The following RNGTT variants were observed in gnomAD, a reference collection of about 807,000 sequenced individuals.
RNGTT encodes mRNA-capping enzyme.
A neutral mutation model predicts 79.3 loss-of-function variants in RNGTT; 33 were observed. The observed-to-expected ratio is 0.42, with a 90% confidence interval of 0.32 to 0.56. The LOEUF (loss-of-function observed/expected upper bound fraction) is 0.56, where lower values mean the gene tolerates loss of function less well. RNGTT is among the 20% of genes least tolerant of loss of function. The probability of loss-of-function intolerance (pLI) is 0.17; values close to 1 mark genes in which losing one functional copy is unlikely to be tolerated. For missense variants in RNGTT, 497 were observed against 739.1 expected, an observed-to-expected ratio of 0.67 and a Z score of 3.80; for synonymous variants, 222 against 235.9, an observed-to-expected ratio of 0.94 and a Z score of 0.54.
At chr6:88,888,820 G>C (rs1782950885) in intron 8 of RNGTT, among the ~76,000 whole-genome samples, 1 of 152,130 alleles carries the variant, frequency 6.6e-6, no homozygotes, top group African/African-American at 2.4e-5. Flanking sequence ...ACCTGAGATA[G>C]GGAGTTCGAG....
intron 13 of RNGTT, among the ~76,000 whole-genome samples, chr6:88,748,186 T>C (rs1373939947): frequency 6.6e-6 from 1 of 151,840 alleles, no homozygotes; most frequent in Non-Finnish European, 1.5e-5. Context: ...AAAAAAAAAG[T>C]CAAATCGAAT....
chr6:88,765,355 A>C (rs1582433448), intron 13 of RNGTT, among the ~76,000 whole-genome samples: 1 of 152,128 alleles, frequency 6.6e-6, no homozygotes, highest in East Asian at 1.9e-4. Flanking sequence ...CCATGACTTA[A>C]CCATACATTC....
intron 12 of RNGTT, among the ~76,000 whole-genome samples, chr6:88,773,377 G>A (rs1778762001): frequency 6.8e-6 from 1 of 147,992 alleles, no homozygotes; most frequent in East Asian, 2.0e-4. Flanking sequence ...GCTAGATGAC[G>A]AGTTAGTGGG....
intron 13 of RNGTT, among the ~76,000 whole-genome samples, chr6:88,745,485 T>C (rs1046387240): frequency 2.0e-5 from 3 of 152,204 alleles, no homozygotes; most frequent in African/African-American, 7.2e-5. Context: ...CATGGGGTGA[T>C]ACATATTACA....
At chr6:88,906,591 G>GA (rs1456920464) in intron 4 of RNGTT, 151 bp from the exon 5 acceptor site, 1 of 551,326 alleles carries the variant, frequency 1.8e-6, no homozygotes, top group African/African-American at 1.9e-5. Flanking sequence ...CTTATAACTT[G>GA]AAAACTTGTC....
chr6:88,772,694 A>C (rs1303820399), intron 12 of RNGTT, among the ~76,000 whole-genome samples: 1 of 152,224 alleles, frequency 6.6e-6, no homozygotes, highest in Non-Finnish European at 1.5e-5. Context: ...GAAGATATTT[A>C]TGCAGCCAAA....
At chr6:88,710,422 G>A (rs1776279034) in intron 13 of RNGTT, among the ~76,000 whole-genome samples, 1 of 152,104 alleles carries the variant, frequency 6.6e-6, no homozygotes, top group Non-Finnish European at 1.5e-5. Context: ...TTATACTAAA[G>A]AAAGGGAACG....
chr6:88,655,039 T>C (rs759655672), intron 14 of RNGTT, among the ~76,000 whole-genome samples: 1 of 152,202 alleles, frequency 6.6e-6, no homozygotes, highest in Non-Finnish European at 1.5e-5. Flanking sequence ...CTTCAGATAT[T>C]TTAGAGGTTT....
intron 15 of RNGTT, among the ~76,000 whole-genome samples, chr6:88,613,663 T>C (rs1215419657): frequency 6.6e-6 from 1 of 152,168 alleles, no homozygotes; most frequent in African/African-American, 2.4e-5. Context: ...TTTTTTCAAC[T>C]CCACTAAAAA....
At chr6:88,750,522 T>G (rs1412526107) in intron 13 of RNGTT, among the ~76,000 whole-genome samples, 9 of 152,140 alleles carry the variant, frequency 5.9e-5, no homozygotes, top group African/African-American at 2.2e-4. Context: ...ATGTTGACAG[T>G]CTCTATCTCC....
At chr6:88,924,235 T>A (rs1784250807) in intron 4 of RNGTT, among the ~76,000 whole-genome samples, 1 of 152,198 alleles carries the variant, frequency 6.6e-6, no homozygotes, top group South Asian at 2.1e-4. Context: ...AGAAATATAA[T>A]TTTTTTAATC....
chr6:88,907,677 T>C (rs2127944030), intron 4 of RNGTT, among the ~76,000 whole-genome samples: 1 of 152,002 alleles, frequency 6.6e-6, no homozygotes, highest in Admixed American at 6.6e-5. Context: ...GTCTTCAAAA[T>C]GAAGCTTTTC....
At chr6:88,773,953 T>C (rs1004993626) in intron 12 of RNGTT, among the ~76,000 whole-genome samples, 1 of 152,158 alleles carries the variant, frequency 6.6e-6, no homozygotes, top group Non-Finnish European at 1.5e-5. Flanking sequence ...AAAAACTACA[T>C]AGTTTGGGCT....
intron 13 of RNGTT, among the ~76,000 whole-genome samples, chr6:88,744,671 T>C (rs1427954297): frequency 1.3e-5 from 2 of 148,448 alleles, no homozygotes; most frequent in Non-Finnish European, 3.0e-5. Flanking sequence ...ATATGAATAG[T>C]TTTTTATGCT....
chr6:88,665,719 TC>T (rs1372167913), intron 14 of RNGTT, among the ~76,000 whole-genome samples: 1 of 152,074 alleles, frequency 6.6e-6, no homozygotes, highest in Admixed American at 6.6e-5. Flanking sequence ...TTCAAGAACT[TC>T]CCCCACCATC....
At position 88,851,835 on chromosome 6, in the gene RNGTT, T is replaced by C. The variant is rs957525663; in HGVS notation, c.1032+1794A>G. Among the ~76,000 whole-genome samples the C allele has an allele frequency of 1.5e-4, 23 of 151,828 alleles. 1 individual carries two copies. Among genetic ancestry groups the C allele is most frequent in the African/African-American group, 4.8e-4 (20 of 41,364 alleles). On this transcript the variant is annotated intron_variant, in intron 9 of 15. Coordinates refer to ENST00000369485, the MANE Select transcript of RNGTT (RefSeq NM_003800.5). ...CAACTATAATTCTAGCCCAAGTAAATTGACATCATGAATCATACTGCTATT... is the reference window on the plus strand; with the variant it reads ...CAACTATAATTCTAGCCCAAGTAAACTGACATCATGAATCATACTGCTATT...
intron 8 of RNGTT, among the ~76,000 whole-genome samples, chr6:88,861,873 C>T (rs1020138734): frequency 6.6e-6 from 1 of 151,970 alleles, no homozygotes; most frequent in African/African-American, 2.4e-5. Flanking sequence ...TGCTTAATTA[C>T]CAGTGTTGAA....
intron 11 of RNGTT, among the ~76,000 whole-genome samples, chr6:88,802,216 T>C (rs1779813294): frequency 6.6e-6 from 1 of 152,216 alleles, no homozygotes; most frequent in African/African-American, 2.4e-5. Context: ...TTATAATCCA[T>C]AAATACATTG....
chr6:88,629,271 G>C (rs1772754528), intron 14 of RNGTT, among the ~76,000 whole-genome samples: 1 of 152,226 alleles, frequency 6.6e-6, no homozygotes, highest in African/African-American at 2.4e-5. Flanking sequence ...TTTTTAGCAG[G>C]CTCCAGTGAT....
Sources: allele counts gnomAD v4.1 joint callset (sites outside exome capture counted in the v4.1 genomes callset), GRCh38; gene constraint gnomAD v4.1.1; transcripts MANE v1.5; gene names NCBI Gene and HGNC (gene_info 2026-07-23, HGNC 2026-07-21).